The following PDE3B variants were observed in gnomAD, a reference collection of about 807,000 sequenced individuals.
PDE3B encodes phosphodiesterase 3B, also known as cGMP-inhibited 3',5'-cyclic phosphodiesterase 3B.
Under a neutral mutation model 116.8 loss-of-function variants are expected in PDE3B, and 66 were observed. The observed-to-expected ratio is 0.56, with a 90% confidence interval of 0.46 to 0.69. PDE3B has a LOEUF of 0.69. Ranked by LOEUF, PDE3B falls within the 30% of genes least tolerant of loss-of-function variation. PDE3B has a pLI of 0.00. For synonymous variants in PDE3B, 595 were observed against 533.6 expected (o/e 1.12, Z -1.59); for missense variants, 1,384 against 1,368.1 (o/e 1.01, Z -0.18).
chr11:14,814,229 G>C (rs1590167153), intron 5 of PDE3B, among the ~76,000 whole-genome samples: 1 of 152,140 alleles, frequency 6.6e-6, no homozygotes, highest in East Asian at 1.9e-4. Context: ...GTAAATACTT[G>C]TCTCCAACAT....
intron 12 of PDE3B, among the ~76,000 whole-genome samples, chr11:14,851,834 G>C (rs560895809): frequency 6.6e-5 from 10 of 152,220 alleles, no homozygotes; most frequent in Admixed American, 2.6e-4. Flanking sequence ...AAAAGCACTG[G>C]ACGAGATTAA....
intron 1 of PDE3B, among the ~76,000 whole-genome samples, chr11:14,725,508 TC>T (rs1408568283): frequency 2.1e-5 from 1 of 48,770 alleles, no homozygotes; most frequent in Non-Finnish European, 3.7e-5. Flanking sequence ...CCCCTTCCCT[TC>T]CCCCTCCTTC....
intron 1 of PDE3B, among the ~76,000 whole-genome samples, chr11:14,659,182 C>T (rs1003892456): frequency 1.3e-5 from 2 of 152,090 alleles, no homozygotes; most frequent in Non-Finnish European, 2.9e-5. Flanking sequence ...TAATGCAGGA[C>T]ATTGTGTGCA....
At chr11:14,794,333 T>G (rs1858483351) in intron 4 of PDE3B, among the ~76,000 whole-genome samples, 1 of 151,196 alleles carries the variant, frequency 6.6e-6, no homozygotes, top group African/African-American at 2.4e-5. Context: ...TTTTTTTTTT[T>G]TGAGACAGAG....
At chr11:14,672,043 A>C (rs1854386508) in intron 1 of PDE3B, among the ~76,000 whole-genome samples, 1 of 146,442 alleles carries the variant, frequency 6.8e-6, no homozygotes, top group Non-Finnish European at 1.5e-5. Context: ...ATATATATAT[A>C]TACATATATA....
intron 1 of PDE3B, among the ~76,000 whole-genome samples, chr11:14,749,864 A>G (rs1857008022): frequency 8.4e-6 from 1 of 119,734 alleles, no homozygotes; most frequent in African/African-American, 2.9e-5. Flanking sequence ...TATATTTAAA[A>G]TTTATATATT....
At chr11:14,814,981 A>G (rs1859274725) in intron 5 of PDE3B, among the ~76,000 whole-genome samples, 2 of 151,604 alleles carry the variant, frequency 1.3e-5, no homozygotes, top group African/African-American at 4.8e-5. Flanking sequence ...AAAAAAGAAA[A>G]AAAAAAAAAG....
intron 4 of PDE3B, among the ~76,000 whole-genome samples, chr11:14,801,415 G>T (rs1335470832): frequency 6.6e-6 from 1 of 152,192 alleles, no homozygotes; most frequent in African/African-American, 2.4e-5. Flanking sequence ...GCTGCAGTTT[G>T]CTGGAGGTCC....
intron 1 of PDE3B, among the ~76,000 whole-genome samples, chr11:14,713,577 A>G (rs1182162610): frequency 6.6e-6 from 1 of 152,082 alleles, no homozygotes; most frequent in Non-Finnish European, 1.5e-5. Flanking sequence ...TTGGTTCTTA[A>G]TGCTTCAGAC....
intron 1 of PDE3B, among the ~76,000 whole-genome samples, chr11:14,663,318 T>C (rs1854001611): frequency 1.3e-5 from 2 of 152,098 alleles, no homozygotes; most frequent in African/African-American, 2.4e-5. Flanking sequence ...GCACTAAACA[T>C]GGAAAGGAAC....
intron 1 of PDE3B, among the ~76,000 whole-genome samples, chr11:14,695,166 T>C (rs1395632156): frequency 6.6e-6 from 1 of 152,174 alleles, no homozygotes; most frequent in African/African-American, 2.4e-5. Flanking sequence ...TTTATGAAAA[T>C]TCAAAAAAGG....
chr11:14,716,642 AC>A (rs1383752072), intron 1 of PDE3B, among the ~76,000 whole-genome samples: 101 of 89,446 alleles, frequency 1.1e-3, no homozygotes, highest in Non-Finnish European at 1.9e-3. Context: ...ACTGGGAGGC[AC>A]CCCCCAGCAG....
chr11:14,788,081 A>G (rs983855565), intron 3 of PDE3B, among the ~76,000 whole-genome samples: 4 of 151,912 alleles, frequency 2.6e-5, no homozygotes, highest in Middle Eastern at 3.2e-3. Context: ...TCTGGAATCT[A>G]CTGATAGAGT....
At chr11:14,766,748 GCAGA>G (rs2133893033) in intron 1 of PDE3B, among the ~76,000 whole-genome samples, 1 of 151,182 alleles carries the variant, frequency 6.6e-6, no homozygotes, top group South Asian at 2.1e-4. Flanking sequence ...TTCTTGATGT[GCAGA>G]CAACTGATTT....
chr11:14,891,182 C>G, the PDE3B span: 1 of 985,364 alleles, frequency 1.0e-6, no homozygotes, highest in Non-Finnish European at 1.2e-6. Flanking sequence ...TTTCCGCTGC[C>G]AGTCACAGGG....
chr11:14,691,426 G>A (rs1855038549), intron 1 of PDE3B, among the ~76,000 whole-genome samples: 1 of 152,114 alleles, frequency 6.6e-6, no homozygotes, highest in South Asian at 2.1e-4. Flanking sequence ...TCAGCTTAGA[G>A]ATATTATCAA....
At chr11:14,706,239 G>T (rs1427252622) in intron 1 of PDE3B, among the ~76,000 whole-genome samples, 1 of 151,676 alleles carries the variant, frequency 6.6e-6, no homozygotes, top group Middle Eastern at 3.2e-3. Flanking sequence ...TCTAGATTCA[G>T]ATTAGTATAA....
At chr11:14,812,300 G>A (rs892814587) in intron 5 of PDE3B, among the ~76,000 whole-genome samples, 1 of 152,134 alleles carries the variant, frequency 6.6e-6, no homozygotes, top group African/African-American at 2.4e-5. Context: ...ACGTAAGCAT[G>A]TTCTGTCACC....
intron 1 of PDE3B, among the ~76,000 whole-genome samples, chr11:14,665,036 G>A (rs540617114): frequency 8.5e-5 from 13 of 152,156 alleles, no homozygotes; most frequent in Non-Finnish European, 1.5e-4. Context: ...CTGGCAATCC[G>A]AATCCAGCAG....
Sources: allele counts gnomAD v4.1 joint callset (sites outside exome capture counted in the v4.1 genomes callset), GRCh38; gene constraint gnomAD v4.1.1; transcripts MANE v1.5; gene names NCBI Gene and HGNC (gene_info 2026-07-23, HGNC 2026-07-21).